TBX18: variants seen among roughly 807,000 people sequenced by gnomAD.
TBX18 encodes the protein T-box transcription factor 18.
A neutral mutation model predicts 55.0 loss-of-function variants in TBX18; 21 were observed. The observed-to-expected ratio is 0.38, with a 90% CI of 0.27 to 0.55. The LOEUF (loss-of-function observed/expected upper bound fraction) is 0.55. Among genes scored for constraint, TBX18 ranks in the 20% least tolerant of loss-of-function variants. The pLI is 0.73. For synonymous variants in TBX18, 342 were observed against 326.1 expected (o/e 1.05, Z -0.53); for missense variants, 840 against 799.6 (o/e 1.05, Z -0.61).
intron 4 of TBX18, among the ~76,000 whole-genome samples, chr6:84,753,431 T>G (rs901921352): frequency 4.4e-5 from 3 of 67,512 alleles, no homozygotes; most frequent in Non-Finnish European, 8.9e-5. Context: ...AACTAGGAAC[T>G]GAGAAGAGAA....
At position 84,734,421 on chromosome 6, in the gene TBX18, T is replaced by C. The variant is rs1251002539; in HGVS notation, c.*2264A>G. ...TCAATATTTTTAGACATTAAAATGA[T>C]TACCCTCCAAAATCATAAAAGGGTT... On this transcript the variant is annotated 3_prime_UTR_variant, in exon 8 of 8. Coordinates refer to ENST00000369663, the MANE Select transcript of TBX18 (RefSeq NM_001080508.3). 1 of 152,258 alleles carries C rather than the reference T, an allele frequency of 6.6e-6. No homozygotes were observed. Among genetic ancestry groups the C allele is most frequent in the Non-Finnish European group, 1.5e-5 (1 of 68,032 alleles). 9.4% of individuals were successfully genotyped at this position (152,258 alleles called of 1,614,324 possible).
intron 1 of TBX18, 103 bp from the exon 2 acceptor site, chr6:84,762,851 G>A: frequency 9.2e-7 from 1 of 1,089,586 alleles, no homozygotes. Flanking sequence ...AAAATGACCG[G>A]GAGAAAAGGG....
Position 84,747,970 on chromosome 6 carries a change from A to G in TBX18, c.889T>C (p.Ser297Pro), listed in dbSNP as rs769235098. Reference protein sequence around the residue: ...VPSGEGVKAFSFPETVFTTVT... With the variant: ...VPSGEGVKAFPFPETVFTTVT... ...GTTGTGAAGACAGTTTCTGGAAAGGAGAATGCCTTTACTCCCTCCCCGGAT... is the reference window on the plus strand; with the variant it reads ...GTTGTGAAGACAGTTTCTGGAAAGGGGAATGCCTTTACTCCCTCCCCGGAT... Residue 297 changes from serine (S) to proline (P), a missense_variant, in exon 5 of 8, where the codon TCC becomes CCC. Transcript: ENST00000369663. The G allele has an allele frequency of 6.2e-7, 1 of 1,613,316 alleles. No individual in the cohort carries two copies.
chr6:84,738,005 A>C (rs1766927512), intron 7 of TBX18, among the ~76,000 whole-genome samples: 1 of 152,204 alleles, frequency 6.6e-6, no homozygotes, highest in Non-Finnish European at 1.5e-5. Context: ...CTTTCCATGC[A>C]GTTCCCTCTG....
chr6:84,763,812 G>A lies in TBX18; in HGVS notation c.292+78C>T, dbSNP rs1296991633. ...GGCCTTGGCCATGTAGGGACGCGGCGCGCACGCACACCCACAGACTCGCAG... is the reference window on the plus strand; with the variant it reads ...GGCCTTGGCCATGTAGGGACGCGGCACGCACGCACACCCACAGACTCGCAG... On this transcript the variant is annotated intron_variant, in intron 1 of 7. Transcript: ENST00000369663. The A allele has an allele frequency of 2.8e-6, 4 of 1,424,788 alleles. No individual in the cohort carries two copies. In the East Asian group the frequency reaches 8.1e-5, roughly 29 times the overall value. The allele number at this position is 1,424,788 out of a possible 1,614,324, so 88.3% of individuals were successfully genotyped here.
intron 4 of TBX18, among the ~76,000 whole-genome samples, chr6:84,750,149 G>T (rs186321710): frequency 6.6e-6 from 1 of 152,184 alleles, no homozygotes; most frequent in Non-Finnish European, 1.5e-5. Context: ...GCTGGGCGTG[G>T]TGGCACATGC....
chr6:84,761,443 C>T (rs375490223), intron 2 of TBX18, among the ~76,000 whole-genome samples: 15 of 152,254 alleles, frequency 9.9e-5, no homozygotes, highest in Admixed American at 6.5e-4. Flanking sequence ...TAACTACATC[C>T]TTTATAAGAC....
chr6:84,757,596 A>G (rs1176872263), intron 3 of TBX18, among the ~76,000 whole-genome samples: 1 of 152,122 alleles, frequency 6.6e-6, no homozygotes, highest in Non-Finnish European at 1.5e-5. Context: ...CCAAAAAATA[A>G]ACTTTGAAAA....
rs746205846 is a variant in TBX18, at chr6:84,764,094, T to C, written c.88A>G (p.Lys30Glu). The stretch of plus-strand genomic sequence containing the variant: ...CGCTTCTTCTGAAGCTGTTGCTGCT[T>C]CTCGGCGCCGATCAGCGCCTCCACC... ...FSVEALIGAE[K>E]QQQLQKKRRK... The change falls in exon 1 of 8, where the codon AAG becomes GAG. Residue 30 changes from lysine to glutamate, a missense_variant. Coordinates refer to ENST00000369663, the MANE Select transcript of TBX18 (RefSeq NM_001080508.3). 4 of 1,586,406 alleles carry C rather than the reference T, an allele frequency of 2.5e-6. No homozygotes were observed. The South Asian group carries it at 4.5e-5, about 18-fold the overall frequency.
intron 4 of TBX18, among the ~76,000 whole-genome samples, chr6:84,753,601 G>A (rs1482105522): frequency 1.3e-5 from 2 of 152,218 alleles, no homozygotes; most frequent in Non-Finnish European, 2.9e-5. Context: ...AGAGGGGTAA[G>A]TTCCCAAGAG....
chr6:84,744,321 G>A lies in TBX18; in HGVS notation c.944C>T (p.Thr315Ile). 1 of 1,611,776 alleles carries A rather than the reference G, an allele frequency of 6.2e-7. No individual in the cohort carries two copies. The highest frequency in any genetic ancestry group is 8.5e-7 in the Non-Finnish European group (1 of 1,178,958). The change falls in exon 6 of 8, where the codon ACT becomes ATT. Residue 315 changes from threonine (T) to isoleucine (I), a missense_variant. Thr to Ile is a moderately conservative substitution (Grantham distance 89). Coordinates refer to ENST00000369663, the MANE Select transcript of TBX18 (RefSeq NM_001080508.3). ...TGGATTCCTATCTATCTTCAGGCGA[G>A]TAATCTGCAGAGTAGGAAAAAAAAA... is the stretch of plus-strand genomic sequence containing the variant. ...TVTAYQNQQI[T>I]RLKIDRNPFA...
chr6:84,752,389 C>A (rs1358263150), intron 4 of TBX18, among the ~76,000 whole-genome samples: 2 of 152,128 alleles, frequency 1.3e-5, no homozygotes, highest in Non-Finnish European at 2.9e-5. Context: ...ATAACAAAAA[C>A]CTTGCTCCCT....
chr6:84,738,048 T>C (rs1045531150), intron 7 of TBX18, among the ~76,000 whole-genome samples: 13 of 152,140 alleles, frequency 8.5e-5, no homozygotes, highest in African/African-American at 3.1e-4. Context: ...CTGAGAAATA[T>C]TCAGAGATGA....
intron 4 of TBX18, among the ~76,000 whole-genome samples, chr6:84,755,464 G>A (rs1046780592): frequency 3.3e-5 from 5 of 152,152 alleles, no homozygotes; most frequent in Non-Finnish European, 7.3e-5. Context: ...CTGCCTCAGC[G>A]ACACAGAAGA....
chr6:84,738,464 T>C, intron 7 of TBX18, 33 bp downstream of exon 7: 1 of 1,541,646 alleles, frequency 6.5e-7, no homozygotes, highest in Non-Finnish European at 9.0e-7. Context: ...AGGAACGGGC[T>C]GTATATATGA....
chr6:84,759,107 A>T (rs1253361208), intron 3 of TBX18, among the ~76,000 whole-genome samples: 1 of 152,172 alleles, frequency 6.6e-6, no homozygotes, highest in Non-Finnish European at 1.5e-5. Flanking sequence ...AAGTATATTT[A>T]AAAAATGAAC....
Position 84,747,992 on chromosome 6 carries a change from G to A in TBX18, c.867C>T (p.Ser289=), listed in dbSNP as rs771393702. The change falls in exon 5 of 8, where the codon TCC becomes TCT. Residue 289 remains serine (S), a synonymous_variant. Coordinates refer to ENST00000369663, the MANE Select transcript of TBX18 (RefSeq NM_001080508.3). The stretch of plus-strand genomic sequence containing the variant: ...AGGAGAATGCCTTTACTCCCTCCCC[G>A]GATGGAACAGGCTTGATGGGAGAAA... ...DDLSPIKPVP[S]GEGVKAFSFP... is the part of the protein sequence containing the mutation. 11 of 1,613,286 alleles carry A rather than the reference G, an allele frequency of 6.8e-6. No individual in the cohort carries two copies. The highest frequency in any genetic ancestry group is 4.5e-5 in the East Asian group (2 of 44,866).
At chr6:84,754,244 G>A (rs1165373725) in intron 4 of TBX18, among the ~76,000 whole-genome samples, 1 of 152,134 alleles carries the variant, frequency 6.6e-6, no homozygotes, top group Non-Finnish European at 1.5e-5. Context: ...ACCGTGCCCA[G>A]CTTTGCATCT....
intron 4 of TBX18, among the ~76,000 whole-genome samples, 195 bp from the exon 5 acceptor site, chr6:84,748,282 C>T (rs528457628): frequency 6.6e-6 from 1 of 152,204 alleles, no homozygotes; most frequent in South Asian, 2.1e-4. Flanking sequence ...CATAAAAATA[C>T]AAAATAAAAA....
Sources: gnomAD v4.1 joint callset for allele counts (sites outside exome capture counted in the v4.1 genomes callset) on GRCh38, gnomAD v4.1.1 for gene constraint, MANE v1.5 for transcripts, NCBI Gene and HGNC (gene_info 2026-07-23, HGNC 2026-07-21) for gene names.